CCT7: variants seen among roughly 807,000 people sequenced by gnomAD.
CCT7 encodes chaperonin containing TCP1 subunit 7, also known as T-complex protein 1 subunit eta.
A neutral mutation model predicts 56.6 loss-of-function variants in CCT7; 16 were observed. That is an observed-to-expected ratio of 0.28 (90% CI 0.19 to 0.43). The LOEUF is 0.43. CCT7 is among the 20% of genes least tolerant of loss of function. The pLI is 1.00. For synonymous variants in CCT7, 262 were observed against 254.8 expected (o/e 1.03, Z -0.27); for missense variants, 519 against 685.6 (o/e 0.76, Z 2.71).
chr2:73,251,030 TAGTC>T lies in CCT7; in HGVS notation c.1204-193_1204-190del, dbSNP rs760231810. The stretch of plus-strand genomic sequence containing the variant: ...CTTGAGCTGCAGGTGACCTTGAAAA[TAGTC>T]AGAAACCATAAGGTTCACCAGGTTG... On this transcript the variant is annotated intron_variant, in intron 10 of 11. Coordinates refer to ENST00000258091, the MANE Select transcript of CCT7 (RefSeq NM_006429.4). 3.9e-5 allele frequency among the ~76,000 whole-genome samples: 6 copies of T among 152,196 alleles called. No homozygotes were observed. The East Asian group carries it at 5.8e-4, about 15-fold the overall frequency.
chr2:73,247,455 G>A (rs746642986), intron 6 of CCT7, among the ~76,000 whole-genome samples: 17 of 152,110 alleles, frequency 1.1e-4, no homozygotes, highest in Non-Finnish European at 2.4e-4. Context: ...ATTATCCATC[G>A]GCCAGTGCTG....
rs777297335 is a variant in CCT7, at chr2:73,239,600, T to A, written c.7-43T>A. ...CCCCTTTCCCCTGCCAGTCTCATTA[T>A]AATAGATGATTATTAAAAGCAGTTA... On this transcript the variant is annotated intron_variant, in intron 1 of 11. Transcript: ENST00000258091. 5 of 1,580,774 alleles carry A rather than the reference T, an allele frequency of 3.2e-6. No homozygotes were observed. The African/African-American group carries it at 6.7e-5, about 21-fold the overall frequency.
At chr2:73,250,129 C>T (rs2231435) in intron 9 of CCT7, among the ~76,000 whole-genome samples, 177 bp from the exon 10 acceptor site, 1 of 152,124 alleles carries the variant, frequency 6.6e-6, no homozygotes, top group Admixed American at 6.5e-5. Flanking sequence ...ATCTTTTATG[C>T]CCTAGTGGTA....
chr2:73,251,448 C>T lies in CCT7; in HGVS notation c.1410+16C>T, dbSNP rs765295780. On this transcript the variant is annotated intron_variant, in intron 11 of 11. Transcript: ENST00000258091. The stretch of plus-strand genomic sequence containing the variant: ...GCATGCCCAGGTGGGTCCTTTCTCT[C>T]CCCAGGGTTCAGGGTTTGGGCGGGT... 1.3e-6 allele frequency: 2 copies of T among 1,595,146 alleles called. No individual in the cohort carries two copies. Among genetic ancestry groups the T allele is most frequent in the Admixed American group, 1.7e-5 (1 of 59,844 alleles).
At chr2:73,246,945 T>C (rs1320448011) in intron 6 of CCT7, among the ~76,000 whole-genome samples, 2 of 152,224 alleles carry the variant, frequency 1.3e-5, no homozygotes, top group East Asian at 3.8e-4. Flanking sequence ...CTAAAGGTTA[T>C]TGAACTGAAT....
At chr2:73,240,840 T>C (rs1687074259) in intron 3 of CCT7, among the ~76,000 whole-genome samples, 2 of 152,080 alleles carry the variant, frequency 1.3e-5, no homozygotes, top group Non-Finnish European at 2.9e-5. Flanking sequence ...TTAAATAATT[T>C]GACTTCTCAT....
intron 2 of CCT7, chr2:73,240,214 T>C: frequency 2.6e-6 from 1 of 384,284 alleles, no homozygotes; most frequent in Admixed American, 4.2e-5. Flanking sequence ...TATTAATTGC[T>C]CTTCAAGGAA....
chr2:73,242,978 G>A (rs758857680), intron 3 of CCT7, 26 bp from the exon 4 acceptor site: 33 of 1,612,954 alleles, frequency 2.0e-5, no homozygotes, highest in South Asian at 1.8e-4. Context: ...ATCAGAAAAC[G>A]TGTATTTCCT....
At chr2:73,243,819 A>G in intron 4 of CCT7, 178 bp from the exon 5 acceptor site, 1 of 618,014 alleles carries the variant, frequency 1.6e-6, no homozygotes, top group Non-Finnish European at 2.9e-6. Context: ...GAATTTTCTG[A>G]ACTATAGAGT....
chr2:73,249,925 TG>T lies in CCT7; in HGVS notation c.1070+12del. On this transcript the variant is annotated intron_variant, in intron 9 of 11. Coordinates refer to ENST00000258091, the MANE Select transcript of CCT7 (RefSeq NM_006429.4). ...CAGATTGGAGGCGAGAGGTGAGCCG[TG>T]GGCCCAGGCCGAGCTCACAAACCTG... 1 of 1,592,650 alleles carries T rather than the reference TG, an allele frequency of 6.3e-7. No individual in the cohort carries two copies. Among genetic ancestry groups the T allele is most frequent in the Non-Finnish European group, 8.6e-7 (1 of 1,160,368 alleles).
chr2:73,234,533 CCGCGGCCTGGCTCGGCCCGAGCACGG>C (rs1355484198), intron 1 of CCT7, 149 bp downstream of exon 1: 24 of 974,034 alleles, frequency 2.5e-5, no homozygotes, highest in African/African-American at 6.4e-5. Context: ...CCCCAGCCAG[CCGCGGCCTGGCTCGGCCCGAGCACGG>C]CGCTGGAGCC....
chr2:73,249,669 G>A (rs916882529), intron 8 of CCT7, 150 bp from the exon 9 acceptor site: 2 of 660,312 alleles, frequency 3.0e-6, no homozygotes, highest in South Asian at 1.8e-5. Context: ...CTTTCAGAGA[G>A]GGGGAAGGGT....
At position 73,250,392 on chromosome 2, in the gene CCT7, A is replaced by G. The variant is rs1429462389; in HGVS notation, c.1157A>G (p.Glu386Gly). The G allele has an allele frequency of 1.2e-6, 2 of 1,614,106 alleles. No homozygotes were observed. The highest frequency in any genetic ancestry group is 4.5e-5 in the East Asian group (2 of 44,880). ...GCCGAGCAGTTTATGGAGGAGACAG[A>G]GCGGTCCCTGCATGATGCCATCATG... ...GGAEQFMEET[E>G]RSLHDAIMIV... Residue 386 changes from glutamate (E) to glycine (G), a missense_variant, in exon 10 of 12, where the codon GAG becomes GGG. This residue lies in a region of CCT7 where 237 missense variants were observed against 300.8 expected (regional missense o/e 0.79). Transcript: ENST00000258091.
At chr2:73,238,379 G>A (rs558277033) in intron 1 of CCT7, among the ~76,000 whole-genome samples, 1 of 152,260 alleles carries the variant, frequency 6.6e-6, no homozygotes, top group South Asian at 2.1e-4. Flanking sequence ...CTCCAGCTGC[G>A]CTGGCCAAAA....
chr2:73,242,565 C>T (rs1454596845), intron 3 of CCT7, among the ~76,000 whole-genome samples: 1 of 152,202 alleles, frequency 6.6e-6, no homozygotes, highest in Non-Finnish European at 1.5e-5. Flanking sequence ...CAGGTGTGAG[C>T]CACCGTGCCC....
chr2:73,235,558 A>G (rs548144308), intron 1 of CCT7: 1 of 1,002,058 alleles, frequency 1.0e-6, no homozygotes, highest in African/African-American at 1.7e-5. Flanking sequence ...AGCATTGCTC[A>G]TTCTTGAAGT....
chr2:73,245,851 A>T (rs62149571), intron 6 of CCT7, among the ~76,000 whole-genome samples: 9,776 of 152,248 alleles, frequency 0.064, 377 homozygotes, highest in Non-Finnish European at 0.078. Flanking sequence ...CCTGGAGGTC[A>T]TCTGAGCCAT....
chr2:73,249,136 G>C lies in CCT7; in HGVS notation c.929G>C (p.Cys310Ser). The change falls in exon 8 of 12, where the codon TGT (cysteine) becomes TCT (serine). Residue 310 changes from cysteine to serine, a missense_variant. By Grantham distance (112) the Cys-to-Ser change is moderately radical (BLOSUM62 -1). Around this residue, in one of 3 missense-constraint regions of CCT7, gnomAD observed 6 missense variants for 27.6 expected, o/e 0.22. Coordinates refer to ENST00000258091, the MANE Select transcript of CCT7 (RefSeq NM_006429.4). ...TQYFADRDMF[C>S]AGRVPEEDLK... ...TACTTTGCTGACAGGGACATGTTCT[G>C]TGCTGGCCGAGTACCTGAGGAGGAT... is the stretch of plus-strand genomic sequence containing the variant. The C allele has an allele frequency of 6.2e-7, 1 of 1,613,762 alleles. No homozygotes were observed. Among genetic ancestry groups the C allele is most frequent in the Non-Finnish European group, 8.5e-7 (1 of 1,179,704 alleles).
intron 3 of CCT7, among the ~76,000 whole-genome samples, chr2:73,241,640 T>G (rs1189392577): frequency 6.6e-6 from 1 of 152,140 alleles, no homozygotes; most frequent in Non-Finnish European, 1.5e-5. Flanking sequence ...AGAAAGCTCT[T>G]TTTCTTTTTC....
Sources: gnomAD v4.1 joint callset for allele counts (sites outside exome capture counted in the v4.1 genomes callset) on GRCh38, gnomAD v4.1.1 for gene constraint, gnomAD v4.1.1 regional missense constraint, MANE v1.5 for transcripts, NCBI Gene and HGNC (gene_info 2026-07-23, HGNC 2026-07-21) for gene names.